Variants in TBX1 observed in about 807,000 individuals in gnomAD.
The protein encoded by TBX1 is T-box transcription factor 1, also known as T-box transcription factor TBX1.
Under a neutral mutation model 40.8 loss-of-function variants are expected in TBX1, and 16 were observed. The observed-to-expected ratio is 0.39, with a 90% CI of 0.27 to 0.60. TBX1 has a LOEUF of 0.60. Ranked by LOEUF, TBX1 falls within the 20% of genes least tolerant of loss-of-function variation. The pLI, the probability that TBX1 is intolerant of heterozygous loss-of-function variation, is 0.51. For missense variants in TBX1, 755 were observed against 728.5 expected (o/e 1.04, Z -0.42); for synonymous variants, 403 against 336.8 (o/e 1.20, Z -2.15).
At chr22:19,757,994 C>T (rs1329206878), upstream of TBX1, among the ~76,000 whole-genome samples, 1 of 152,180 alleles carries the variant, frequency 6.6e-6, no homozygotes, top group African/African-American at 2.4e-5. Flanking sequence ...CAGCAACACA[C>T]ACCACATCCC....
chr22:19,777,583 G>A (rs1456739934), intron 8 of TBX1, among the ~76,000 whole-genome samples: 3 of 152,072 alleles, frequency 2.0e-5, no homozygotes, highest in Non-Finnish European at 4.4e-5. Context: ...CCCAGTAATG[G>A]GGTGGCTGAG....
downstream of TBX1, among the ~76,000 whole-genome samples, chr22:19,781,044 AGTGCTGGGATTACAGGC>A (rs1937138314): frequency 6.6e-6 from 1 of 151,776 alleles, no homozygotes; most frequent in Non-Finnish European, 1.5e-5. Flanking sequence ...AGCCTCCCAA[AGTGCTGGGATTACAGGC>A]GTGAGCCACT....
rs1255955320 is a variant in TBX1, at chr22:19,766,975, G to C, written c.*108G>C. Reference sequence around the variant, plus strand: ...AAGGAATACGTTCCCCCAGCCCCAGGGGCCACCGCGGCTCTCCCCTTCCCC... The same window carrying C: ...AAGGAATACGTTCCCCCAGCCCCAGCGGCCACCGCGGCTCTCCCCTTCCCC... On this transcript the variant is annotated 3_prime_UTR_variant, in exon 7 of 7. Coordinates refer to ENST00000649276, the MANE Select transcript of TBX1 (RefSeq NM_001379200.1). 6 of 1,466,392 alleles carry C rather than the reference G, an allele frequency of 4.1e-6. No individual in the cohort carries two copies. The East Asian group carries it at 1.6e-4, about 40-fold the overall frequency. 90.8% of individuals were successfully genotyped at this position (1,466,392 alleles called of 1,614,324 possible). A position where few individuals can be genotyped will look rare whatever the true frequency, so the allele number is the denominator to read the frequency against.
At chr22:19,756,913 G>T (rs1156508682), upstream of TBX1, among the ~76,000 whole-genome samples, 1 of 151,788 alleles carries the variant, frequency 6.6e-6, no homozygotes, top group East Asian at 1.9e-4. Flanking sequence ...GGCGGGTGGC[G>T]GGGTGGCGGG....
chr22:19,780,770 T>C (rs1937132441), downstream of TBX1, among the ~76,000 whole-genome samples: 1 of 141,438 alleles, frequency 7.1e-6, no homozygotes, highest in Non-Finnish European at 1.5e-5. Context: ...CACACACTTG[T>C]TTTCTGTTTT....
intron 3 of TBX1, among the ~76,000 whole-genome samples, chr22:19,764,750 T>G (rs1027911787): frequency 1.3e-5 from 2 of 152,236 alleles, no homozygotes; most frequent in Non-Finnish European, 2.9e-5. Context: ...CCAGATCTTT[T>G]GCCACTTGGA....
At chr22:19,758,752 G>A (rs1936543637), upstream of TBX1, among the ~76,000 whole-genome samples, 1 of 152,204 alleles carries the variant, frequency 6.6e-6, no homozygotes, top group Non-Finnish European at 1.5e-5. Context: ...AAGCGTCCTG[G>A]CCAGAGGCGG....
chr22:19,767,806 C>G (rs991427882), downstream of TBX1, among the ~76,000 whole-genome samples: 2 of 152,234 alleles, frequency 1.3e-5, no homozygotes, highest in African/African-American at 4.8e-5. Context: ...GGAGAAGCCC[C>G]TGACCGGGAT....
chr22:19,780,789 T>TTG (rs1937134729), downstream of TBX1, among the ~76,000 whole-genome samples: 14 of 141,636 alleles, frequency 9.9e-5, no homozygotes, highest in South Asian at 3.1e-3. Context: ...TTTTTTTTTG[T>TTG]TTTTTTTTTT....
At chr22:19,759,746 G>A (rs1936581434), upstream of TBX1, 1 of 1,571,302 alleles carries the variant, frequency 6.4e-7, no homozygotes, top group Admixed American at 1.7e-5. Context: ...TGTGGGGCCC[G>A]GGTGCAAAGT....
downstream of TBX1, among the ~76,000 whole-genome samples, chr22:19,770,056 C>T (rs1203583358): frequency 2.0e-5 from 3 of 152,160 alleles, no homozygotes; most frequent in African/African-American, 7.2e-5. Context: ...ACCGCTGTTC[C>T]CCCACAGGCT....
downstream of TBX1, among the ~76,000 whole-genome samples, chr22:19,779,732 C>T (rs1427797452): frequency 6.6e-6 from 1 of 152,260 alleles, no homozygotes; most frequent in Non-Finnish European, 1.5e-5. Context: ...TACAGACACC[C>T]ACACACTATG....
intron 8 of TBX1, among the ~76,000 whole-genome samples, chr22:19,777,045 T>A (rs41297828): frequency 0.012 from 1,750 of 151,344 alleles, 17 homozygotes; most frequent in South Asian, 0.021. Flanking sequence ...AAGGTTTTTT[T>A]AAAAAATTTT....
rs913799811 is a variant in TBX1 at position 19,766,181 on chromosome 22, C to CCCGCCG, written c.1036+191_1037-191dup. 1.5e-5 allele frequency: 12 copies of CCCGCCG among 810,804 alleles called. No homozygotes were observed. The Admixed American group carries it at 3.1e-4, about 21-fold the overall frequency. The allele number at this position is 810,804 out of a possible 1,614,324, so 50.2% of individuals were successfully genotyped here. On this transcript the variant is annotated intron_variant, in intron 6 of 6. Transcript: ENST00000649276. The stretch of plus-strand genomic sequence containing the variant: ...CGCCCGGCCCGACGGCTGCGCCCCG[C>CCCGCCG]CCGCCGCCGCCGCCGCCCGCAGAGG...
Position 19,767,201 on chromosome 22 carries a change from C to T in TBX1, c.*334C>T, listed in dbSNP as rs1936893492. On this transcript the variant is annotated 3_prime_UTR_variant, in exon 7 of 7. Coordinates refer to ENST00000649276, the MANE Select transcript of TBX1 (RefSeq NM_001379200.1). ...GTTCTCCCCGAGACCGCGTCGCCCGCGGCCCGGCCGGCAGTTGCAGTGTAG... is the reference window on the plus strand; with the variant it reads ...GTTCTCCCCGAGACCGCGTCGCCCGTGGCCCGGCCGGCAGTTGCAGTGTAG... 2 of 1,097,474 alleles carry T rather than the reference C, an allele frequency of 1.8e-6. No individual in the cohort carries two copies. Among genetic ancestry groups the T allele is most frequent in the Non-Finnish European group, 2.2e-6 (2 of 902,848 alleles). The allele number at this position is 1,097,474 out of a possible 1,614,324, so 68.0% of individuals were successfully genotyped here.
chr22:19,763,404 G>C, intron 2 of TBX1, 62 bp downstream of exon 2: 1 of 1,506,642 alleles, frequency 6.6e-7, no homozygotes, highest in Non-Finnish European at 9.2e-7. Context: ...GCGGGTCTCC[G>C]CCTGGTGACC....
In TBX1 at chr22:19,767,019, G is replaced by A; in HGVS notation, c.*152G>A. On this transcript the variant is annotated 3_prime_UTR_variant, in exon 7 of 7. Coordinates refer to ENST00000649276, the MANE Select transcript of TBX1 (RefSeq NM_001379200.1). ...CTTCCCCAGCCTCGAAGCCATGGGG[G>A]CCCCCTCGCCACCCCCAGCCCCTTG... The A allele has an allele frequency of 2.2e-6, 3 of 1,355,308 alleles. No homozygotes were observed. Among genetic ancestry groups the A allele is most frequent in the South Asian group, 3.4e-5 (2 of 58,374 alleles). 84.0% of individuals were successfully genotyped at this position (1,355,308 alleles called of 1,614,324 possible).
chr22:19,778,962 C>A (rs1168391236), intron 8 of TBX1, among the ~76,000 whole-genome samples: 1 of 152,112 alleles, frequency 6.6e-6, no homozygotes, highest in Non-Finnish European at 1.5e-5. Flanking sequence ...GATCTGGTTC[C>A]CTGATCCGAC....
chr22:19,778,408 CTTATTTCTTTTCT>C (rs1937098906), intron 8 of TBX1, among the ~76,000 whole-genome samples: 1 of 151,100 alleles, frequency 6.6e-6, no homozygotes, highest in African/African-American at 2.4e-5. Context: ...GCCATTGCTC[CTTATTTCTTTTCT>C]TTCTTTCTTT....
Sources: gnomAD v4.1 joint callset for allele counts (sites outside exome capture counted in the v4.1 genomes callset) on GRCh38, gnomAD v4.1.1 for gene constraint, MANE v1.5 for transcripts, NCBI Gene and HGNC (gene_info 2026-07-23, HGNC 2026-07-21) for gene names.